XKR8: variants seen among roughly 807,000 people sequenced by gnomAD.
XKR8 encodes the protein XK related 8, also known as XK-related protein 8.
In XKR8, 10 loss-of-function variants were observed where a neutral mutation model predicts 17.1. That is an observed-to-expected ratio of 0.59 (90% CI 0.36 to 0.99). XKR8 has a LOEUF of 0.99. XKR8 is among the 50% of genes least tolerant of loss of function. XKR8 has a pLI of 0.01. For synonymous variants in XKR8, 213 were observed against 251.9 expected (o/e 0.85, Z 1.46); for missense variants, 411 against 515.6 (o/e 0.80, Z 1.96).
Position 27,963,680 on chromosome 1 carries a change from T to C in XKR8, c.477T>C (p.Ala159=). 1 of 1,576,780 alleles carries C rather than the reference T, an allele frequency of 6.3e-7. No individual in the cohort carries two copies. Among genetic ancestry groups the C allele is most frequent in the Non-Finnish European group, 8.6e-7 (1 of 1,160,846 alleles). Reference sequence around the variant, plus strand: ...CCATCATGCTGCAGAGTGGCCGGGCTGAGTACTACCAGTGTGAGTGAAGGC... The same window carrying C: ...CCATCATGCTGCAGAGTGGCCGGGCCGAGTACTACCAGTGTGAGTGAAGGC... ...VLAIMLQSGR[A]EYYQWVGICT... is the part of the protein sequence containing the mutation. Residue 159 remains alanine (A), a synonymous_variant, in exon 2 of 3, where the codon GCT becomes GCC. Coordinates refer to ENST00000373884, the MANE Select transcript of XKR8 (RefSeq NM_018053.4).
chr1:27,962,288 G>A (rs1396128337), intron 1 of XKR8, among the ~76,000 whole-genome samples: 2 of 152,156 alleles, frequency 1.3e-5, no homozygotes, highest in Non-Finnish European at 2.9e-5. Flanking sequence ...AAGAGGTAGG[G>A]TCTGGTCAGG....
In XKR8 at chr1:27,966,399, A is replaced by C. The variant is rs1638567775; in HGVS notation, c.491-104A>C. On this transcript the variant is annotated intron_variant, in intron 2 of 2. Transcript: ENST00000373884. The surrounding 1 kb of genome is among the most constrained non-coding windows in gnomAD (Gnocchi z 4.3). ...CCTTCAACAAACGAGGGATTCTAAT[A>C]CCTACCCCAGGGTTGCTGGGAGGGC... The C allele has an allele frequency of 4.4e-6, 5 of 1,145,230 alleles. No homozygotes were observed. The South Asian group carries it at 7.6e-5, about 17-fold the overall frequency. The allele number at this position is 1,145,230 out of a possible 1,614,324, so 70.9% of individuals were successfully genotyped here.
chr1:27,965,739 GCCTAATAGGTT>G lies in XKR8; in HGVS notation c.491-761_491-751del, dbSNP rs1638554970. On this transcript the variant is annotated intron_variant, in intron 2 of 2. Coordinates refer to ENST00000373884, the MANE Select transcript of XKR8 (RefSeq NM_018053.4). This position sits in a 1 kb window ranked among gnomAD's most constrained non-coding sequence, Gnocchi z 4.1. ...TCCAGGCTAGGAGTGGGTTCTGGGC[GCCTAATAGGTT>G]CCCAGTAAACATCTGTCGAATGACT... 6.6e-6 allele frequency among the ~76,000 whole-genome samples: 1 copy of G among 152,170 alleles called. No individual in the cohort carries two copies. The highest frequency in any genetic ancestry group is 2.4e-5 in the African/African-American group (1 of 41,438).
At position 27,960,335 on chromosome 1, in the gene XKR8, A is replaced by G; in HGVS notation, c.266A>G (p.His89Arg). The G allele has an allele frequency of 7.0e-7, 1 of 1,420,152 alleles. No homozygotes were observed. 88.0% of individuals were successfully genotyped at this position (1,420,152 alleles called of 1,614,324 possible). Reference protein sequence around the residue: ...QPPRRCLALLHLLQLGYLYRC... With the variant: ...QPPRRCLALLRLLQLGYLYRC... ...CCGCGCCGCTGCCTGGCGCTGCTGC[A>G]TCTCCTGCAGCTGGGTTACCTGTAC... The change falls in exon 1 of 3, where the codon CAT becomes CGT. Residue 89 changes from histidine to arginine, a missense_variant. Physicochemically the swap from His to Arg is conservative, Grantham distance 29 (BLOSUM62 0). Transcript: ENST00000373884. The surrounding 1 kb of genome is among the most constrained non-coding windows in gnomAD (Gnocchi z 5.9).
rs201931007 is a variant in XKR8, at chr1:27,963,735, T to TG, written c.490+48dup. On this transcript the variant is annotated intron_variant, in intron 2 of 2. Transcript: ENST00000373884. ...GGCTGGCCCCCCTGTCGTGGCTTGGTGGGGGGTCTCTCAAATGTTGGAACT... is the reference window on the plus strand; with the variant it reads ...GGCTGGCCCCCCTGTCGTGGCTTGGTGGGGGGGTCTCTCAAATGTTGGAACT... 535 of 1,466,108 alleles carry TG rather than the reference T, an allele frequency of 3.6e-4. 1 individual carries two copies. In the East Asian group the frequency reaches 9.3e-3, roughly 26 times the overall value. The allele number at this position is 1,466,108 out of a possible 1,614,324, so 90.8% of individuals were successfully genotyped here.
chr1:27,961,969 A>G (rs1467690844), intron 1 of XKR8, among the ~76,000 whole-genome samples: 1 of 152,098 alleles, frequency 6.6e-6, no homozygotes, highest in East Asian at 1.9e-4. Context: ...ACTCCGCCCC[A>G]ATCTCCATCC....
Position 27,966,883 on chromosome 1 carries a change from T to C in XKR8, c.871T>C (p.Phe291Leu). The C allele has an allele frequency of 1.2e-6, 2 of 1,614,204 alleles. No homozygotes were observed. Among genetic ancestry groups the C allele is most frequent in the East Asian group, 4.5e-5 (2 of 44,878 alleles). The stretch of plus-strand genomic sequence containing the variant: ...AGGCCGGGCCATCATCCACTTCGCC[T>C]TCCTCCTGAGTGACAGCATTCTCCT... ...TRGRAIIHFA[F>L]LLSDSILLVA... Residue 291 changes from phenylalanine to leucine, a missense_variant, in exon 3 of 3, where the codon TTC becomes CTC. Coordinates refer to ENST00000373884, the MANE Select transcript of XKR8 (RefSeq NM_018053.4). The surrounding 1 kb of genome is among the most constrained non-coding windows in gnomAD (Gnocchi z 4.3).
rs147529110 is a variant in XKR8 at position 27,966,678 on chromosome 1, A to G, written c.666A>G (p.Ser222=). The G allele has an allele frequency of 2.5e-3, 4,102 of 1,613,828 alleles. 26 individuals carry two copies. Among genetic ancestry groups the G allele is most frequent in the Middle Eastern group, 0.015 (92 of 6,062 alleles). The change falls in exon 3 of 3, where the codon TCA becomes TCG. Residue 222 remains serine, a synonymous_variant. Transcript: ENST00000373884. The surrounding 1 kb of genome is among the most constrained non-coding windows in gnomAD (Gnocchi z 4.3). ...GAGTCCTGGCTGTGGCCCTGTTCTC[A>G]GCCCTCTTCCCCAGCTATGTGGCCC... ...WPRVLAVALF[S]ALFPSYVALH... is the part of the protein sequence containing the mutation.
rs1182761172 is a variant in XKR8 at position 27,960,457 on chromosome 1, G to C, written c.293+95G>C. The C allele has an allele frequency of 7.9e-7, 1 of 1,260,020 alleles. No homozygotes were observed. Among genetic ancestry groups the C allele is most frequent in the Admixed American group, 4.1e-5 (1 of 24,414 alleles). The allele number at this position is 1,260,020 out of a possible 1,614,324, so 78.1% of individuals were successfully genotyped here. ...AGGTGACACGCCATATGCCGGGAAG[G>C]GGACTGGGAGAGGGAACCAAGTCCT... On this transcript the variant is annotated intron_variant, in intron 1 of 2. Coordinates refer to ENST00000373884, the MANE Select transcript of XKR8 (RefSeq NM_018053.4). This position sits in a 1 kb window ranked among gnomAD's most constrained non-coding sequence, Gnocchi z 5.9.
At position 27,966,667 on chromosome 1, in the gene XKR8, G is replaced by C; in HGVS notation, c.655G>C (p.Ala219Pro). The C allele has an allele frequency of 1.2e-6, 2 of 1,614,106 alleles. No homozygotes were observed. The highest frequency in any genetic ancestry group is 1.7e-6 in the Non-Finnish European group (2 of 1,180,014). Residue 219 changes from alanine to proline, a missense_variant, in exon 3 of 3, where the codon GCC becomes CCC. Ala to Pro is a conservative substitution (Grantham distance 27). Coordinates refer to ENST00000373884, the MANE Select transcript of XKR8 (RefSeq NM_018053.4). The surrounding 1 kb of genome is among the most constrained non-coding windows in gnomAD (Gnocchi z 4.3). ...LLLWPRVLAV[A>P]LFSALFPSYV... ...GCTGTGGCCCCGAGTCCTGGCTGTG[G>C]CCCTGTTCTCAGCCCTCTTCCCCAG...
Position 27,966,426 on chromosome 1 carries a change from C to G in XKR8, c.491-77C>G. ...CTACCCCAGGGTTGCTGGGAGGGCC[C>G]CCACGGTACCTGTGACCGCTGGGGA... is the stretch of plus-strand genomic sequence containing the variant. On this transcript the variant is annotated intron_variant, in intron 2 of 2. Coordinates refer to ENST00000373884, the MANE Select transcript of XKR8 (RefSeq NM_018053.4). This position sits in a 1 kb window ranked among gnomAD's most constrained non-coding sequence, Gnocchi z 4.3. 2 of 1,446,844 alleles carry G rather than the reference C, an allele frequency of 1.4e-6. No homozygotes were observed. Among genetic ancestry groups the G allele is most frequent in the South Asian group, 2.6e-5 (2 of 75,910 alleles). The allele number at this position is 1,446,844 out of a possible 1,614,324, so 89.6% of individuals were successfully genotyped here. A position where few individuals can be genotyped will look rare whatever the true frequency, so the allele number is the denominator to read the frequency against.
At chr1:27,963,419 A>G (rs1037022177) in intron 1 of XKR8, 78 bp from the exon 2 acceptor site, 49 of 1,505,268 alleles carry the variant, frequency 3.3e-5, no homozygotes, top group Middle Eastern at 2.4e-4. Flanking sequence ...GCCTGTGTCC[A>G]CTCATTAGAT....
At position 27,965,959 on chromosome 1, in the gene XKR8, TGGAGG is replaced by T. The variant is rs1017780681; in HGVS notation, c.491-529_491-525del. Among the ~76,000 whole-genome samples the T allele has an allele frequency of 9.9e-5, 15 of 151,912 alleles. No homozygotes were observed. The highest frequency in any genetic ancestry group is 3.6e-4 in the African/African-American group (15 of 41,384). The stretch of plus-strand genomic sequence containing the variant: ...GGGTCAGTCCGATGGCCTCTGGTCT[TGGAGG>T]GGAGGGGAGGGGAGTGGGGAGACCT... On this transcript the variant is annotated intron_variant, in intron 2 of 2. Transcript: ENST00000373884. The surrounding 1 kb of genome is among the most constrained non-coding windows in gnomAD (Gnocchi z 4.1).
At position 27,963,569 on chromosome 1, in the gene XKR8, C is replaced by T. The variant is rs1020588877; in HGVS notation, c.366C>T (p.Tyr122=). 2.3e-5 allele frequency: 37 copies of T among 1,614,060 alleles called. No individual in the cohort carries two copies. Among genetic ancestry groups the T allele is most frequent in the East Asian group, 1.3e-4 (6 of 44,890 alleles). Residue 122 remains tyrosine (Y), a synonymous_variant, in exon 2 of 3, where the codon TAC becomes TAT. Transcript: ENST00000373884. ...QEEPSEFDLA[Y]ADFLALDISM... ...AGCCCTCTGAGTTTGACTTGGCCTA[C>T]GCCGACTTCCTCGCCCTGGACATCA...
intron 2 of XKR8, among the ~76,000 whole-genome samples, chr1:27,964,860 G>A (rs532786838): frequency 9.2e-5 from 14 of 152,026 alleles, no homozygotes; most frequent in Non-Finnish European, 1.3e-4. Flanking sequence ...TTCCTCCACC[G>A]CTGCCATAAA....
chr1:27,966,948 CGGGATTCCACTGCAGCTGTGGCTGCCTGT>C lies in XKR8; in HGVS notation c.942_970del (p.Ile314MetfsTer21). On this transcript the variant is annotated frameshift_variant, in exon 3 of 3. Transcript: ENST00000373884. LOFTEE classifies it low-confidence loss of function (END_TRUNC). This position sits in a 1 kb window ranked among gnomAD's most constrained non-coding sequence, Gnocchi z 4.3. ...TGACTCATAGCTCCTGGCTGCCCAG[CGGGATTCCACTGCAGCTGTGGCTGCCTGT>C]GGGATGCGGCTGCTTCTTTCTGGGC... The C allele has an allele frequency of 6.2e-7, 1 of 1,614,214 alleles. No individual in the cohort carries two copies. The highest frequency in any genetic ancestry group is 1.7e-5 in the Admixed American group (1 of 60,032).
In XKR8 at chr1:27,963,606, C is replaced by T. The variant is rs1313565855; in HGVS notation, c.403C>T (p.Leu135Phe). ...CGCCCTGGACATCAGCATGCTGCGG[C>T]TCTTCGAGACCTTCTTGGAGACGGC... ...FLALDISMLRLFETFLETAPQ... is the reference protein window; with the variant it reads ...FLALDISMLRFFETFLETAPQ... Residue 135 changes from leucine (L) to phenylalanine (F), a missense_variant, in exon 2 of 3, where the codon CTC becomes TTC. Leu to Phe is a conservative substitution (Grantham distance 22). Coordinates refer to ENST00000373884, the MANE Select transcript of XKR8 (RefSeq NM_018053.4). The T allele has an allele frequency of 3.1e-6, 5 of 1,614,052 alleles. No individual in the cohort carries two copies. Among genetic ancestry groups the T allele is most frequent in the Non-Finnish European group, 3.4e-6 (4 of 1,180,004 alleles).
chr1:27,963,087 G>A (rs1638498972), intron 1 of XKR8, among the ~76,000 whole-genome samples: 1 of 152,014 alleles, frequency 6.6e-6, no homozygotes, highest in East Asian at 1.9e-4. Context: ...GCAGTGGCAC[G>A]ATCTCGGCTC....
At chr1:27,963,438 G>A (rs897246974) in intron 1 of XKR8, 59 bp from the exon 2 acceptor site, 2 of 1,544,846 alleles carry the variant, frequency 1.3e-6, no homozygotes, top group Non-Finnish European at 1.7e-6. Flanking sequence ...ATGGGTGGGA[G>A]GCTGAGGAAT....
Sources: gnomAD v4.1 joint callset for allele counts (sites outside exome capture counted in the v4.1 genomes callset) on GRCh38, gnomAD v4.1.1 for gene constraint, Gnocchi (gnomAD v3.1) non-coding constraint, MANE v1.5 for transcripts, NCBI Gene and HGNC (gene_info 2026-07-23, HGNC 2026-07-21) for gene names.